Variants in XRCC1 observed in about 807,000 individuals in gnomAD.
XRCC1 encodes DNA repair protein XRCC1.
XRCC1 carries 52 observed loss-of-function variants against 83.3 expected under a neutral mutation model. That is an observed-to-expected ratio of 0.62 (90% CI 0.50 to 0.79). The LOEUF (loss-of-function observed/expected upper bound fraction) is 0.79, where lower values mean the gene tolerates loss of function less well. Among genes scored for constraint, XRCC1 ranks in the 30% least tolerant of loss-of-function variants. XRCC1 has a pLI of 0.00. For synonymous variants in XRCC1, 281 were observed against 312.6 expected (o/e 0.90, Z 1.07); for missense variants, 793 against 823.5 (o/e 0.96, Z 0.45).
intron 3 of XRCC1, among the ~76,000 whole-genome samples, chr19:43,557,920 AT>A (rs1036071861): frequency 6.6e-6 from 1 of 150,892 alleles, no homozygotes; most frequent in Non-Finnish European, 1.5e-5. Context: ...GAGGTCAGTG[AT>A]TTTTGTCAGA....
chr19:43,543,479 T>C lies in XRCC1; in HGVS notation c.1815A>G (p.Ala605=). 6.2e-7 allele frequency: 1 copy of C among 1,613,542 alleles called. No individual in the cohort carries two copies. Among genetic ancestry groups the C allele is most frequent in the Non-Finnish European group, 8.5e-7 (1 of 1,179,888 alleles). The change falls in exon 17 of 17, where the codon GCA becomes GCG. Residue 605 remains alanine, a synonymous_variant. Transcript: ENST00000262887. ...TGTAGATCCATCGGGGACGAACGAA[T>C]GCCAGGGAGGGGTTGTCCATCAGGG... ...EEALMDNPSL[A]FVRPRWIYSC... is the part of the protein sequence containing the mutation.
chr19:43,543,390 C>T lies in XRCC1; in HGVS notation c.*2G>A. On this transcript the variant is annotated 3_prime_UTR_variant, in exon 17 of 17. Transcript: ENST00000262887. ...TGTGTGTGTGTGTGTATAGCACATA[C>T]TTCAGGCTTGCGGCACCACCCCATA... The T allele has an allele frequency of 6.4e-7, 1 of 1,561,342 alleles. No homozygotes were observed. The highest frequency in any genetic ancestry group is 2.2e-5 in the East Asian group (1 of 44,498).
At chr19:43,569,783 GA>G (rs915145385) in intron 2 of XRCC1, among the ~76,000 whole-genome samples, 40 of 142,740 alleles carry the variant, frequency 2.8e-4, no homozygotes, top group Admixed American at 4.2e-4. Flanking sequence ...CTCCGTCTCA[GA>G]AAAAAAAAAA....
At chr19:43,557,943 G>T (rs1289497889) in intron 3 of XRCC1, among the ~76,000 whole-genome samples, 3 of 151,672 alleles carry the variant, frequency 2.0e-5, no homozygotes, top group Non-Finnish European at 2.9e-5. Context: ...ATCACTTATT[G>T]TACAAAGTAT....
chr19:43,556,910 C>T (rs975319698), intron 3 of XRCC1, among the ~76,000 whole-genome samples: 1 of 152,134 alleles, frequency 6.6e-6, no homozygotes, highest in Non-Finnish European at 1.5e-5. Flanking sequence ...GAGGCTGAGG[C>T]ACAAGAATCG....
chr19:43,562,209 G>C (rs1490481503), intron 2 of XRCC1, among the ~76,000 whole-genome samples: 4 of 151,116 alleles, frequency 2.6e-5, no homozygotes, highest in Non-Finnish European at 5.9e-5. Flanking sequence ...CCCACCCCTG[G>C]TGATGACAGA....
chr19:43,549,306 C>T (rs1972552581), intron 10 of XRCC1, among the ~76,000 whole-genome samples: 1 of 152,212 alleles, frequency 6.6e-6, no homozygotes, highest in Admixed American at 6.5e-5. Flanking sequence ...TGTCCCCAGG[C>T]TGGAGTGCAG....
intron 2 of XRCC1, among the ~76,000 whole-genome samples, chr19:43,565,641 T>TA (rs1358906411): frequency 1.3e-5 from 2 of 152,114 alleles, no homozygotes; most frequent in Admixed American, 6.6e-5. Context: ...TCTTTGTATA[T>TA]AAAAAAAGTC....
intron 2 of XRCC1, among the ~76,000 whole-genome samples, chr19:43,563,522 T>C (rs762506): frequency 0.8 from 122,077 of 151,950 alleles, 49,139 homozygotes; most frequent in East Asian, 0.88. Flanking sequence ...AAAACAACAA[T>C]AACAAGAAGT....
chr19:43,566,600 C>T (rs1972755591), intron 2 of XRCC1, among the ~76,000 whole-genome samples: 1 of 149,106 alleles, frequency 6.7e-6, no homozygotes, highest in South Asian at 2.1e-4. Flanking sequence ...TACATGGAGG[C>T]TGGGGTGGTG....
At chr19:43,570,155 G>A (rs1414504574) in intron 2 of XRCC1, among the ~76,000 whole-genome samples, 1 of 152,196 alleles carries the variant, frequency 6.6e-6, no homozygotes, top group African/African-American at 2.4e-5. Flanking sequence ...AGACACCACA[G>A]TGGCGAACTG....
chr19:43,575,478 C>G lies in XRCC1; in HGVS notation c.-20G>C, dbSNP rs1372079741. The G allele has an allele frequency of 1.2e-6, 2 of 1,611,670 alleles. No individual in the cohort carries two copies. The highest frequency in any genetic ancestry group is 1.1e-5 in the South Asian group (1 of 90,800). ...CGGCATGTCAACGTCGTGGGCTTCG[C>G]CTGGCCAGAAGGATGAGGTAGAGTA... On this transcript the variant is annotated 5_prime_UTR_variant, in exon 1 of 17. Coordinates refer to ENST00000262887, the MANE Select transcript of XRCC1 (RefSeq NM_006297.3).
chr19:43,561,740 A>G (rs1254560057), intron 2 of XRCC1, among the ~76,000 whole-genome samples: 3 of 152,232 alleles, frequency 2.0e-5, no homozygotes, highest in Non-Finnish European at 2.9e-5. Flanking sequence ...CCTGTCTGAC[A>G]GATGAAGATG....
chr19:43,563,782 C>G (rs540951546), intron 2 of XRCC1, among the ~76,000 whole-genome samples: 2 of 152,278 alleles, frequency 1.3e-5, no homozygotes, highest in African/African-American at 4.8e-5. Flanking sequence ...CCTGGTGCCA[C>G]TCTCTATCTC....
chr19:43,544,156 GTGACGTATCGGA>G lies in XRCC1; in HGVS notation c.1688_1699del (p.Ile563_Val566del), dbSNP rs767314868. On this transcript the variant is annotated inframe_deletion, in exon 15 of 17. Coordinates refer to ENST00000262887, the MANE Select transcript of XRCC1 (RefSeq NM_006297.3). ...CCTGGAGACTCACCCATTGAAGGCT[GTGACGTATCGGA>G]TGAGTTTCCGCCGCTCGTCCCCAGG... 2.2e-5 allele frequency: 35 copies of G among 1,608,494 alleles called. No individual in the cohort carries two copies. The highest frequency in any genetic ancestry group is 3.0e-5 in the Non-Finnish European group (35 of 1,177,658).
intron 3 of XRCC1, among the ~76,000 whole-genome samples, chr19:43,556,527 G>C (rs1015410327): frequency 1.3e-5 from 2 of 152,210 alleles, no homozygotes; most frequent in African/African-American, 4.8e-5. Context: ...GCTGAGGCCA[G>C]GCGCGGTGGC....
chr19:43,568,415 T>C (rs1255460247), intron 2 of XRCC1, among the ~76,000 whole-genome samples: 1 of 151,918 alleles, frequency 6.6e-6, no homozygotes, highest in Non-Finnish European at 1.5e-5. Context: ...GAGAATCACT[T>C]GAAGCTGGGA....
chr19:43,575,518 C>T lies in XRCC1; in HGVS notation c.-60G>A. On this transcript the variant is annotated 5_prime_UTR_variant, in exon 1 of 17. Transcript: ENST00000262887. ...GAGGTAGAGTATGGGGTCCGAGGGG[C>T]AGGGAGAGTGGGAGGGGGCGGGGTG... is the stretch of plus-strand genomic sequence containing the variant. 1.3e-6 allele frequency: 2 copies of T among 1,562,254 alleles called. No homozygotes were observed. The highest frequency in any genetic ancestry group is 1.8e-6 in the Non-Finnish European group (2 of 1,140,952).
At chr19:43,561,772 C>T (rs1176646342) in intron 2 of XRCC1, among the ~76,000 whole-genome samples, 2 of 152,224 alleles carry the variant, frequency 1.3e-5, no homozygotes, top group Non-Finnish European at 2.9e-5. Flanking sequence ...GCGGGCCATG[C>T]GGGCACGGGA....
Sources: gnomAD v4.1 joint callset for allele counts (sites outside exome capture counted in the v4.1 genomes callset) on GRCh38, gnomAD v4.1.1 for gene constraint, MANE v1.5 for transcripts, NCBI Gene and HGNC (gene_info 2026-07-23, HGNC 2026-07-21) for gene names.